Variants in ZMYM2 observed in about 807,000 individuals in gnomAD.
ZMYM2 encodes the protein zinc finger MYM-type protein 2.
ZMYM2 carries 56 observed loss-of-function variants against 162.8 expected under a neutral mutation model. The observed-to-expected ratio is 0.34, with a 90% CI of 0.28 to 0.43. The LOEUF is 0.43. Among genes scored for constraint, ZMYM2 ranks in the 20% least tolerant of loss-of-function variants. The probability of loss-of-function intolerance (pLI) is 1.00; values close to 1 mark genes in which losing one functional copy is unlikely to be tolerated. For missense variants in ZMYM2, 1,275 were observed against 1,621.8 expected, an observed-to-expected ratio of 0.79 and a Z score of 3.67; for synonymous variants, 510 against 541.6, an observed-to-expected ratio of 0.94 and a Z score of 0.81.
At chr13:20,002,537 T>G (rs1036845010) in intron 3 of ZMYM2, among the ~76,000 whole-genome samples, 3 of 152,218 alleles carry the variant, frequency 2.0e-5, no homozygotes, top group Admixed American at 1.3e-4. Flanking sequence ...TTATTTATTG[T>G]GTACAACATG....
At chr13:19,958,638 G>T (rs965279540), upstream of ZMYM2, 1 of 152,360 alleles carries the variant, frequency 6.6e-6, no homozygotes, top group African/African-American at 2.4e-5. Flanking sequence ...CGTGCCCGAA[G>T]CGCTCCGGCC....
At chr13:20,062,759 TTAAATGAC>T in intron 17 of ZMYM2, 79 bp from the exon 18 acceptor site, 1 of 1,311,698 alleles carries the variant, frequency 7.6e-7, no homozygotes. Flanking sequence ...GCATTTAAAA[TTAAATGAC>T]TTGCTTTTGC....
chr13:20,067,657 G>A (rs946822477), intron 21 of ZMYM2, among the ~76,000 whole-genome samples: 2 of 152,170 alleles, frequency 1.3e-5, no homozygotes, highest in African/African-American at 4.8e-5. Flanking sequence ...ACAGAAAAAT[G>A]TCATAACTCT....
intron 12 of ZMYM2, among the ~76,000 whole-genome samples, chr13:20,049,664 T>C (rs1283591704): frequency 2.0e-5 from 3 of 152,102 alleles, no homozygotes; most frequent in Non-Finnish European, 4.4e-5. Flanking sequence ...ATCCTATCTC[T>C]GCATTTTTAA....
chr13:19,900,207 G>A, the ZMYM2 span, among the ~76,000 whole-genome samples: 1 of 152,134 alleles, frequency 6.6e-6, no homozygotes, highest in Non-Finnish European at 1.5e-5. Context: ...GCTGAGGCAT[G>A]AGAATCACTT....
chr13:20,040,500 A>G (rs1954148845), intron 12 of ZMYM2, among the ~76,000 whole-genome samples: 1 of 152,044 alleles, frequency 6.6e-6, no homozygotes, highest in African/African-American at 2.4e-5. Context: ...TAGTCTAGCT[A>G]GCAGTCTGTC....
chr13:20,046,701 G>GTA (rs775855012), intron 12 of ZMYM2, among the ~76,000 whole-genome samples: 13 of 150,268 alleles, frequency 8.7e-5, no homozygotes, highest in South Asian at 6.3e-4. Flanking sequence ...GTGTGTGTGT[G>GTA]TATATATATA....
At chr13:19,932,191 A>C in the ZMYM2 span, among the ~76,000 whole-genome samples, 1 of 152,160 alleles carries the variant, frequency 6.6e-6, no homozygotes, top group African/African-American at 2.4e-5. Flanking sequence ...CATCTCTCTG[A>C]TATCTTAGTG....
chr13:20,008,943 A>G (rs945814631), intron 6 of ZMYM2, among the ~76,000 whole-genome samples: 5 of 152,216 alleles, frequency 3.3e-5, no homozygotes, highest in Admixed American at 3.3e-4. Flanking sequence ...TAGGAATTTT[A>G]AAATAGTATT....
At chr13:20,072,070 C>T (rs962975545) in intron 21 of ZMYM2, 6 of 165,198 alleles carry the variant, frequency 3.6e-5, no homozygotes, top group Admixed American at 1.3e-4. Flanking sequence ...CTTCAGCTTC[C>T]GCTTCTGGTT....
chr13:20,038,370 T>TAC (rs1251059555), intron 12 of ZMYM2, among the ~76,000 whole-genome samples: 2 of 152,222 alleles, frequency 1.3e-5, no homozygotes, highest in Non-Finnish European at 2.9e-5. Flanking sequence ...TCCAGAATGG[T>TAC]ATTGCCTAGG....
At chr13:19,943,384 G>A in the ZMYM2 span, among the ~76,000 whole-genome samples, 25 of 152,198 alleles carry the variant, frequency 1.6e-4, no homozygotes, top group African/African-American at 5.5e-4. Context: ...ATGTATTTTT[G>A]GGGGTGGGAC....
rs1958258102 is a variant in ZMYM2, at chr13:20,086,193, G to A, written c.*179G>A. 4.1e-6 allele frequency: 2 copies of A among 487,118 alleles called. No homozygotes were observed. Among genetic ancestry groups the A allele is most frequent in the Non-Finnish European group, 3.5e-6 (1 of 284,344 alleles). 30.2% of individuals were successfully genotyped at this position (487,118 alleles called of 1,614,324 possible). On this transcript the variant is annotated 3_prime_UTR_variant, in exon 25 of 25. Coordinates refer to ENST00000610343, the MANE Select transcript of ZMYM2 (RefSeq NM_197968.4). ...GTGAAAGTTGCCATTATTCTATGTA[G>A]TGGTTTTAGGATACTTAACAAATAC...
At chr13:20,018,817 C>T (rs549942661) in intron 6 of ZMYM2, among the ~76,000 whole-genome samples, 1 of 152,164 alleles carries the variant, frequency 6.6e-6, no homozygotes. Context: ...CGGTGGCTCA[C>T]GACTGTAATC....
upstream of ZMYM2, among the ~76,000 whole-genome samples, chr13:19,955,800 ATTACT>A (rs1314959981): frequency 2.0e-5 from 3 of 152,104 alleles, no homozygotes; most frequent in Admixed American, 6.5e-5. Flanking sequence ...ACAACTGTTT[ATTACT>A]TTACTTTACA....
chr13:19,913,226 T>C, the ZMYM2 span, among the ~76,000 whole-genome samples: 1 of 152,174 alleles, frequency 6.6e-6, no homozygotes, highest in African/African-American at 2.4e-5. Context: ...AACTACTCTC[T>C]TTCTGAGAAA....
intron 12 of ZMYM2, among the ~76,000 whole-genome samples, chr13:20,046,013 G>A (rs1274442776): frequency 1.3e-5 from 2 of 151,440 alleles, no homozygotes; most frequent in African/African-American, 4.9e-5. Flanking sequence ...AGTATGAGGT[G>A]GGAGAATCAC....
chr13:19,944,048 C>A, the ZMYM2 span, among the ~76,000 whole-genome samples: 3 of 152,062 alleles, frequency 2.0e-5, no homozygotes, highest in African/African-American at 7.2e-5. Context: ...ATTCTTTAGG[C>A]AATGGGGGCC....
intron 19 of ZMYM2, chr13:20,066,567 A>C: frequency 3.6e-6 from 1 of 278,524 alleles, no homozygotes; most frequent in Non-Finnish European, 6.6e-6. Context: ...ACGATTCATT[A>C]GGTGGAAATA....
Sources: allele counts gnomAD v4.1 joint callset (sites outside exome capture counted in the v4.1 genomes callset), GRCh38; gene constraint gnomAD v4.1.1; transcripts MANE v1.5; gene names NCBI Gene and HGNC (gene_info 2026-07-23, HGNC 2026-07-21).